The following CPM variants were observed in gnomAD, a reference collection of about 807,000 sequenced individuals.
CPM encodes the protein carboxypeptidase M, also known as renal carboxypeptidase.
CPM carries 35 observed loss-of-function variants against 46.4 expected under a neutral mutation model. That is an observed-to-expected ratio of 0.75 (90% CI 0.58 to 1.00). The LOEUF (loss-of-function observed/expected upper bound fraction) is 1.00, where lower values mean the gene tolerates loss of function less well. Among genes scored for constraint, CPM ranks in the 50% least tolerant of loss-of-function variants. CPM has a pLI of 0.00. For missense variants in CPM, 422 were observed against 530.4 expected, an observed-to-expected ratio of 0.80 and a Z score of 2.01; for synonymous variants, 195 against 195.3, an observed-to-expected ratio of 1.00 and a Z score of 0.01.
chr12:68,957,924 G>A lies in CPM; in HGVS notation c.-4+5245C>T, dbSNP rs1365709320. Among the ~76,000 whole-genome samples the A allele has an allele frequency of 2.1e-5, 3 of 140,854 alleles. No individual in the cohort carries two copies. The Admixed American group carries it at 2.4e-4, about 11-fold the overall frequency. The allele number at this position is 140,854 out of a possible 152,430, so 92.4% of individuals were successfully genotyped here. ...TTCTCATTGTTCAGTTCCCACCTATGAGTGAGAACATGTGGTGTTTGGTTT... is the reference window on the plus strand; with the variant it reads ...TTCTCATTGTTCAGTTCCCACCTATAAGTGAGAACATGTGGTGTTTGGTTT... On this transcript the variant is annotated intron_variant, in intron 1 of 8. Transcript: ENST00000546373.
At chr12:68,861,440 A>AT (rs1206517217) in intron 7 of CPM, among the ~76,000 whole-genome samples, 1 of 151,920 alleles carries the variant, frequency 6.6e-6, no homozygotes, top group Non-Finnish European at 1.5e-5. Flanking sequence ...CATCTTTTGT[A>AT]TTTTTTGTTG....
intron 2 of CPM, among the ~76,000 whole-genome samples, chr12:68,902,299 A>G (rs1592677796): frequency 6.6e-6 from 1 of 152,236 alleles, no homozygotes; most frequent in East Asian, 1.9e-4. Context: ...CAACACAAAT[A>G]TAAGTATTTT....
chr12:68,846,803 C>G (rs577904531), downstream of CPM: 18 of 152,178 alleles, frequency 1.2e-4, no homozygotes, highest in South Asian at 3.7e-3. Context: ...AGTCACAGAT[C>G]TGGTACTTAC....
chr12:68,852,156 A>T lies in CPM; in HGVS notation c.*4281T>A, dbSNP rs555507837. ...ATTGATTTCTTGGAAAGACTTTTGG[A>T]AATGTTGAGAAAAAGCTTTTAACAT... is the stretch of plus-strand genomic sequence containing the variant. On this transcript the variant is annotated 3_prime_UTR_variant, in exon 9 of 9. Transcript: ENST00000551568. 6.6e-6 allele frequency: 1 copy of T among 152,236 alleles called. No individual in the cohort carries two copies. Among genetic ancestry groups the T allele is most frequent in the Non-Finnish European group, 1.5e-5 (1 of 68,042 alleles). 9.4% of individuals were successfully genotyped at this position (152,236 alleles called of 1,614,324 possible). A position where few individuals can be genotyped will look rare whatever the true frequency, so the allele number is the denominator to read the frequency against.
At chr12:68,937,476 A>T (rs1301904619), upstream of CPM, among the ~76,000 whole-genome samples, 2 of 152,168 alleles carry the variant, frequency 1.3e-5, no homozygotes, top group African/African-American at 4.8e-5. Context: ...CACAACAAAG[A>T]ATTATTCAGC....
At chr12:68,949,961 G>A (rs1223169584) in intron 1 of CPM, among the ~76,000 whole-genome samples, 1 of 152,162 alleles carries the variant, frequency 6.6e-6, no homozygotes, top group Non-Finnish European at 1.5e-5. Flanking sequence ...GCTTCAGCTA[G>A]GTCTTGTTGG....
intron 2 of CPM, among the ~76,000 whole-genome samples, chr12:68,903,418 T>C (rs933987672): frequency 6.6e-6 from 1 of 152,216 alleles, no homozygotes; most frequent in Non-Finnish European, 1.5e-5. Context: ...CAAGATTACA[T>C]GGGCACCGCC....
Position 68,895,116 on chromosome 12 carries a change from T to A in CPM, c.161-9227A>T, listed in dbSNP as rs115854956. 8.3e-3 allele frequency among the ~76,000 whole-genome samples: 1,266 copies of A among 151,762 alleles called. 28 individuals carry two copies. The highest frequency in any genetic ancestry group is 0.029 in the African/African-American group (1,199 of 41,416). ...ATATTTTCCTTTTGCTCCCCTGCTG[T>A]GTCTACCAGGTAAATCATGGCCATT... On this transcript the variant is annotated intron_variant, in intron 2 of 8. Coordinates refer to ENST00000551568, the MANE Select transcript of CPM (RefSeq NM_198320.5).
rs60109739 is a variant in CPM, at chr12:68,902,052, T to C, written c.161-16163A>G. 1.2e-4 allele frequency among the ~76,000 whole-genome samples: 19 copies of C among 152,342 alleles called. No homozygotes were observed. The East Asian group carries it at 3.7e-3, about 29-fold the overall frequency. On this transcript the variant is annotated intron_variant, in intron 2 of 8. Transcript: ENST00000551568. ...CTTTAAGAATCCTTTCAATTTATCC[T>C]TTAACGAAATCATAACACATACTTG...
intron 1 of CPM, among the ~76,000 whole-genome samples, chr12:68,961,883 T>C (rs1352346511): frequency 6.6e-6 from 1 of 152,088 alleles, no homozygotes; most frequent in Non-Finnish European, 1.5e-5. Context: ...TTTCGTGGTC[T>C]TTTTAAAATA....
At chr12:68,876,028 C>T (rs1044930426) in intron 3 of CPM, among the ~76,000 whole-genome samples, 2 of 152,098 alleles carry the variant, frequency 1.3e-5, no homozygotes, top group African/African-American at 4.8e-5. Flanking sequence ...TGATGTCTGA[C>T]AAATATTAAT....
In CPM at chr12:68,955,363, A is replaced by G. The variant is rs369286266; in HGVS notation, c.-4+7806T>C. ...CTGGTGCGTAGTAGAAGTCCAGTCA[A>G]TGGAAGCTTAGAAATGCCAGGACCA... On this transcript the variant is annotated intron_variant, in intron 1 of 8. Transcript: ENST00000546373. Among the ~76,000 whole-genome samples the G allele has an allele frequency of 2.0e-5, 3 of 152,332 alleles. No homozygotes were observed. The East Asian group carries it at 5.8e-4, about 29-fold the overall frequency.
At chr12:68,928,137 T>C (rs1170928865) in intron 2 of CPM, among the ~76,000 whole-genome samples, 1 of 152,182 alleles carries the variant, frequency 6.6e-6, no homozygotes, top group Non-Finnish European at 1.5e-5. Flanking sequence ...GAGGCTACAG[T>C]AACCAAAACA....
At chr12:68,913,054 G>T (rs1887663292) in intron 2 of CPM, among the ~76,000 whole-genome samples, 1 of 152,154 alleles carries the variant, frequency 6.6e-6, no homozygotes, top group Non-Finnish European at 1.5e-5. Flanking sequence ...TCCCTACACG[G>T]CACCATCATC....
At chr12:68,918,083 A>C (rs1294076704) in intron 2 of CPM, among the ~76,000 whole-genome samples, 1 of 152,096 alleles carries the variant, frequency 6.6e-6, no homozygotes, top group Non-Finnish European at 1.5e-5. Flanking sequence ...CCAGCAAATC[A>C]CTAGTAGGTG....
chr12:68,906,770 TG>T (rs1344883295), intron 2 of CPM, among the ~76,000 whole-genome samples: 6 of 152,222 alleles, frequency 3.9e-5, no homozygotes, highest in African/African-American at 1.4e-4. Context: ...GGCGCCACTG[TG>T]GATTTTCATA....
At chr12:68,857,944 T>C (rs982634835) in intron 8 of CPM, among the ~76,000 whole-genome samples, 1 of 152,142 alleles carries the variant, frequency 6.6e-6, no homozygotes, top group Non-Finnish European at 1.5e-5. Context: ...TGAGTTGAGA[T>C]TTTTCAAGCT....
At chr12:68,962,396 C>G (rs1379611282) in intron 1 of CPM, among the ~76,000 whole-genome samples, 2 of 152,108 alleles carry the variant, frequency 1.3e-5, no homozygotes, top group Non-Finnish European at 2.9e-5. Context: ...CTCTGACCTT[C>G]TCCTGCTCGC....
intron 1 of CPM, among the ~76,000 whole-genome samples, chr12:68,943,384 A>G (rs1035105166): frequency 6.6e-6 from 1 of 152,208 alleles, no homozygotes; most frequent in African/African-American, 2.4e-5. Flanking sequence ...CCCAAGCTGA[A>G]TTCATTTTTA....
Sources: gnomAD v4.1 joint callset for allele counts (sites outside exome capture counted in the v4.1 genomes callset) on GRCh38, gnomAD v4.1.1 for gene constraint, MANE v1.5 for transcripts, NCBI Gene and HGNC (gene_info 2026-07-23, HGNC 2026-07-21) for gene names.